The following SESTD1 variants were observed in gnomAD, a reference collection of about 807,000 sequenced individuals.
SESTD1 encodes SEC14 and spectrin domain containing 1, also known as SEC14 domain and spectrin repeat-containing protein 1.
In SESTD1, 43 loss-of-function variants were observed where a neutral mutation model predicts 101.7. The observed-to-expected ratio is 0.42, with a 90% CI of 0.33 to 0.55. The LOEUF (loss-of-function observed/expected upper bound fraction) is 0.55. Ranked by LOEUF, SESTD1 falls within the 20% of genes least tolerant of loss-of-function variation. SESTD1 has a pLI of 0.07. For synonymous variants in SESTD1, 283 were observed against 286.8 expected, an observed-to-expected ratio of 0.99 and a Z score of 0.13; for missense variants, 647 against 815.1, an observed-to-expected ratio of 0.79 and a Z score of 2.51.
At position 179,171,462 on chromosome 2, in the gene SESTD1, T is replaced by C. The variant is rs77686958; in HGVS notation, c.369+658A>G. Among the ~76,000 whole-genome samples, 955 of 152,276 alleles carry C rather than the reference T, an allele frequency of 6.3e-3. 16 individuals carry two copies. Among genetic ancestry groups the C allele is most frequent in the African/African-American group, 0.022 (905 of 41,566 alleles). ...GTAAGCATTCCAAGGGCCTATATTA[T>C]ACCAGGTTGGAGTTAGTCTTTGTAT... On this transcript the variant is annotated intron_variant, in intron 5 of 17. Coordinates refer to ENST00000428443, the MANE Select transcript of SESTD1 (RefSeq NM_178123.5).
At chr2:179,245,772 A>G (rs2047220883) in intron 1 of SESTD1, among the ~76,000 whole-genome samples, 1 of 152,130 alleles carries the variant, frequency 6.6e-6, no homozygotes, top group Admixed American at 6.5e-5. Context: ...ACAGAAAATA[A>G]AATGGCAGAC....
intron 1 of SESTD1, among the ~76,000 whole-genome samples, chr2:179,260,344 C>T (rs62177337): frequency 0.056 from 8,473 of 152,174 alleles, 326 homozygotes; most frequent in South Asian, 0.14. Flanking sequence ...TGAGAAACTT[C>T]ATCTCTACAA....
intron 1 of SESTD1, among the ~76,000 whole-genome samples, chr2:179,245,093 T>C (rs1178863386): frequency 1.3e-5 from 2 of 152,186 alleles, no homozygotes; most frequent in Non-Finnish European, 2.9e-5. Flanking sequence ...TGGTGGCTCA[T>C]GCCTGTAATC....
At chr2:179,159,018 T>C (rs995794425) in intron 5 of SESTD1, among the ~76,000 whole-genome samples, 1 of 152,140 alleles carries the variant, frequency 6.6e-6, no homozygotes, top group African/African-American at 2.4e-5. Flanking sequence ...AAGGGCAGAG[T>C]AGGCTGGCTA....
chr2:179,121,741 G>A, intron 13 of SESTD1, 29 bp downstream of exon 13: 1 of 1,521,318 alleles, frequency 6.6e-7, no homozygotes, highest in East Asian at 2.4e-5. Flanking sequence ...TATTATTTTA[G>A]TAAAAAGTAA....
chr2:179,168,718 A>C (rs2045878603), intron 5 of SESTD1, among the ~76,000 whole-genome samples: 1 of 152,274 alleles, frequency 6.6e-6, no homozygotes, highest in Admixed American at 6.5e-5. Context: ...AGAATGCCAG[A>C]AATGGCATAA....
intron 2 of SESTD1, among the ~76,000 whole-genome samples, chr2:179,188,132 T>C (rs2046262317): frequency 6.6e-6 from 1 of 152,164 alleles, no homozygotes; most frequent in Non-Finnish European, 1.5e-5. Context: ...ATATACATTC[T>C]TCTCATCTGC....
At position 179,149,327 on chromosome 2, in the gene SESTD1, C is replaced by T. The variant is rs756144168; in HGVS notation, c.551G>A (p.Ser184Asn). 1.9e-6 allele frequency: 3 copies of T among 1,611,198 alleles called. No homozygotes were observed. The highest frequency in any genetic ancestry group is 2.5e-6 in the Non-Finnish European group (3 of 1,179,314). ...TTTCTCTTGCTGATTTCCTTTATCA[C>T]TTCCATTGTTAATCAAAGCAAGTTC... Reference protein sequence around the residue: ...LDELALINNGSDKGNQQEKER... With the variant: ...LDELALINNGNDKGNQQEKER... The change falls in exon 7 of 18, where the codon AGT becomes AAT. Residue 184 changes from serine (S) to asparagine (N), a missense_variant. Around this residue, in one of 3 missense-constraint regions of SESTD1, gnomAD observed 168 missense variants for 235.1 expected, o/e 0.71. Coordinates refer to ENST00000428443, the MANE Select transcript of SESTD1 (RefSeq NM_178123.5).
intron 10 of SESTD1, among the ~76,000 whole-genome samples, chr2:179,127,350 C>G (rs1486260800): frequency 2.0e-5 from 3 of 152,158 alleles, no homozygotes; most frequent in Non-Finnish European, 4.4e-5. Flanking sequence ...TATTGCTTTC[C>G]GCTCCCCAAC....
chr2:179,143,340 G>A (rs1480104159), intron 9 of SESTD1, among the ~76,000 whole-genome samples: 1 of 152,056 alleles, frequency 6.6e-6, no homozygotes. Context: ...CACTGATGAC[G>A]TTTCCAAGAA....
intron 1 of SESTD1, among the ~76,000 whole-genome samples, chr2:179,256,702 C>T (rs1398959987): frequency 1.3e-5 from 2 of 151,280 alleles, no homozygotes; most frequent in Non-Finnish European, 2.9e-5. Context: ...GTCCCAGCTA[C>T]TCGGGAAGCT....
chr2:179,155,632 G>GT (rs150643247), intron 5 of SESTD1, among the ~76,000 whole-genome samples: 76 of 151,714 alleles, frequency 5.0e-4, no homozygotes, highest in African/African-American at 1.7e-3. Flanking sequence ...AAAACAAAAC[G>GT]TAAGGATGGT....
chr2:179,114,985 G>A (rs1002671536), intron 16 of SESTD1, 80 bp downstream of exon 16: 19 of 1,202,880 alleles, frequency 1.6e-5, no homozygotes, highest in Non-Finnish European at 2.1e-5. Context: ...TAGTCATATA[G>A]TTACATTACT....
At chr2:179,205,119 T>TA (rs1180307135) in intron 1 of SESTD1, among the ~76,000 whole-genome samples, 2 of 134,172 alleles carry the variant, frequency 1.5e-5, no homozygotes, top group Non-Finnish European at 3.2e-5. Flanking sequence ...GCTCCTCTTT[T>TA]AATCAGTGGA....
chr2:179,225,340 G>A (rs752560457), intron 1 of SESTD1, among the ~76,000 whole-genome samples: 2 of 151,984 alleles, frequency 1.3e-5, no homozygotes, highest in Non-Finnish European at 2.9e-5. Context: ...TCTCATGCTC[G>A]TGGTAATTAA....
chr2:179,182,392 C>G (rs2046129753), intron 3 of SESTD1, among the ~76,000 whole-genome samples: 1 of 152,022 alleles, frequency 6.6e-6, no homozygotes, highest in African/African-American at 2.4e-5. Flanking sequence ...GCAGGCTTCC[C>G]AAGAACAATT....
chr2:179,138,110 G>C (rs1456718169), intron 9 of SESTD1, among the ~76,000 whole-genome samples: 1 of 149,818 alleles, frequency 6.7e-6, no homozygotes, highest in Non-Finnish European at 1.5e-5. Context: ...TCCTGATAAA[G>C]AAAACTGAAT....
intron 8 of SESTD1, among the ~76,000 whole-genome samples, chr2:179,145,252 C>G (rs2045369231): frequency 1.3e-5 from 2 of 152,064 alleles, no homozygotes; most frequent in Non-Finnish European, 2.9e-5. Context: ...ATATCATTTT[C>G]ATTAGAGAAG....
chr2:179,249,622 A>C (rs1329382961), intron 1 of SESTD1, among the ~76,000 whole-genome samples: 4 of 152,220 alleles, frequency 2.6e-5, no homozygotes, highest in Non-Finnish European at 5.9e-5. Context: ...TTCCTAGCAT[A>C]ATTCTATCAA....
Sources: allele counts gnomAD v4.1 joint callset (sites outside exome capture counted in the v4.1 genomes callset), GRCh38; gene constraint gnomAD v4.1.1; regional missense constraint gnomAD v4.1.1; transcripts MANE v1.5; gene names NCBI Gene and HGNC (gene_info 2026-07-23, HGNC 2026-07-21).